PTP4A2: variants seen among roughly 807,000 people sequenced by gnomAD.
The protein encoded by PTP4A2 is protein tyrosine phosphatase 4A2, also known as protein tyrosine phosphatase type IVA 2.
Under a neutral mutation model 22.9 loss-of-function variants are expected in PTP4A2, and 2 were observed. That is an observed-to-expected ratio of 0.09 (90% CI 0.04 to 0.27). The LOEUF is 0.27. Among genes scored for constraint, PTP4A2 ranks in the 10% least tolerant of loss-of-function variants. The pLI is 1.00. For synonymous variants in PTP4A2, 68 were observed against 69.1 expected (o/e 0.98, Z 0.08); for missense variants, 103 against 205.1 (o/e 0.50, Z 3.04).
intron 1 of PTP4A2, among the ~76,000 whole-genome samples, chr1:31,930,311 A>G (rs1250033629): frequency 4.6e-5 from 7 of 152,018 alleles, no homozygotes; most frequent in Admixed American, 6.5e-5. Context: ...CTGCACTCCA[A>G]CCTGGGCGAC....
intron 1 of PTP4A2, among the ~76,000 whole-genome samples, chr1:31,924,319 T>C (rs1257184868): frequency 6.6e-6 from 1 of 152,226 alleles, no homozygotes; most frequent in Non-Finnish European, 1.5e-5. Flanking sequence ...AGAAACAGTA[T>C]GTTCTAGCAC....
chr1:31,910,065 T>G lies in PTP4A2; in HGVS notation c.368A>C (p.Tyr123Ser). The change falls in exon 5 of 6, where the codon TAC (tyrosine) becomes TCC (serine). Residue 123 changes from tyrosine to serine, a missense_variant. Tyr to Ser is a moderately radical substitution (Grantham distance 144). Coordinates refer to ENST00000647444, the MANE Select transcript of PTP4A2 (RefSeq NM_080391.4). ...TCTTATAAACTGAACTGCATCTTCG[T>G]ACTTCATTCCACATTCAATCAAAGC... The part of the protein sequence containing the change: ...ALALIECGMK[Y>S]EDAVQFIRQK... 2 of 1,613,616 alleles carry G rather than the reference T, an allele frequency of 1.2e-6. No individual in the cohort carries two copies. The highest frequency in any genetic ancestry group is 1.7e-6 in the Non-Finnish European group (2 of 1,179,854).
At chr1:31,917,352 ATTTTAATTGCTAAAGGAC>A (rs1651901485) in intron 2 of PTP4A2, among the ~76,000 whole-genome samples, 1 of 152,240 alleles carries the variant, frequency 6.6e-6, no homozygotes, top group African/African-American at 2.4e-5. Context: ...GTGTAAAATT[ATTTTAATTGCTAAAGGAC>A]TTCATTTTTC....
intron 1 of PTP4A2, chr1:31,921,212 T>G (rs559530421): frequency 6.6e-6 from 1 of 152,174 alleles, no homozygotes; most frequent in South Asian, 2.1e-4. Context: ...TTACAACATA[T>G]AAGGAATGAG....
At chr1:31,933,977 G>A (rs1652834295) in intron 1 of PTP4A2, 1 of 152,216 alleles carries the variant, frequency 6.6e-6, no homozygotes, top group Non-Finnish European at 1.5e-5. Context: ...TATGGATCCT[G>A]GGCCGCGCGG....
chr1:31,922,638 T>TTTC (rs1652237333), intron 1 of PTP4A2, among the ~76,000 whole-genome samples: 4 of 138,746 alleles, frequency 2.9e-5, no homozygotes, highest in Non-Finnish European at 6.1e-5. Context: ...TTCTTTCTTT[T>TTTC]ATTTATTTTG....
intron 1 of PTP4A2, among the ~76,000 whole-genome samples, chr1:31,924,608 A>G (rs1260541116): frequency 6.6e-6 from 1 of 152,240 alleles, no homozygotes; most frequent in Non-Finnish European, 1.5e-5. Flanking sequence ...TCTCTCTGAC[A>G]TTAATTCTGC....
At chr1:31,924,382 G>A (rs889498992) in intron 1 of PTP4A2, among the ~76,000 whole-genome samples, 2 of 152,122 alleles carry the variant, frequency 1.3e-5, no homozygotes, top group Non-Finnish European at 2.9e-5. Context: ...CCTCCATCAA[G>A]AGTTCAACTA....
At chr1:31,914,731 C>T (rs980788837) in intron 3 of PTP4A2, among the ~76,000 whole-genome samples, 1 of 152,184 alleles carries the variant, frequency 6.6e-6, no homozygotes, top group African/African-American at 2.4e-5. Flanking sequence ...ACAACTTAGA[C>T]AACTACTTAG....
chr1:31,933,993 C>T (rs1260625888), intron 1 of PTP4A2: 1 of 152,094 alleles, frequency 6.6e-6, no homozygotes, highest in African/African-American at 2.4e-5. Context: ...CGCGGTGGCT[C>T]ATGCCTGTAA....
At position 31,919,003 on chromosome 1, in the gene PTP4A2, G is replaced by A. The variant is rs749708309; in HGVS notation, c.63C>T (p.Asn21=). ...YENMRFLITH[N]PTNATLNKFT... ...ACTTGTTGAGAGTAGCATTGGTAGG[G>A]TTGTGAGTTATCAGAAAACGCATGT... The change falls in exon 2 of 6, where the codon AAC becomes AAT. Residue 21 remains asparagine (N), a synonymous_variant. Coordinates refer to ENST00000647444, the MANE Select transcript of PTP4A2 (RefSeq NM_080391.4). 1 of 1,605,596 alleles carries A rather than the reference G, an allele frequency of 6.2e-7. No homozygotes were observed. Among genetic ancestry groups the A allele is most frequent in the Non-Finnish European group, 8.5e-7 (1 of 1,172,444 alleles).
intron 1 of PTP4A2, among the ~76,000 whole-genome samples, chr1:31,920,051 G>A (rs143568550): frequency 0.051 from 7,547 of 149,012 alleles, 657 homozygotes; most frequent in African/African-American, 0.18. Context: ...GCTTGAACCC[G>A]GGAGGTAGAG....
At chr1:31,927,605 A>T (rs2124243535) in intron 1 of PTP4A2, among the ~76,000 whole-genome samples, 1 of 152,328 alleles carries the variant, frequency 6.6e-6, no homozygotes, top group African/African-American at 2.4e-5. Context: ...CAAAAATGGT[A>T]AGGGTGGAAG....
At chr1:31,925,088 A>G (rs1193662677) in intron 1 of PTP4A2, among the ~76,000 whole-genome samples, 3 of 152,204 alleles carry the variant, frequency 2.0e-5, no homozygotes, top group Admixed American at 6.5e-5. Context: ...GATTACAAAG[A>G]TAAGAGATAA....
At chr1:31,922,116 T>C (rs1569616252) in intron 1 of PTP4A2, among the ~76,000 whole-genome samples, 1 of 152,318 alleles carries the variant, frequency 6.6e-6, no homozygotes, top group East Asian at 1.9e-4. Flanking sequence ...GAGGAAAACA[T>C]TTCATAAAGT....
intron 2 of PTP4A2, among the ~76,000 whole-genome samples, chr1:31,918,265 T>G (rs994571435): frequency 4.0e-5 from 6 of 151,462 alleles, no homozygotes; most frequent in African/African-American, 1.5e-4. Context: ...AAAAAAAAAC[T>G]TATGTTCAAA....
chr1:31,914,883 ATACT>A (rs901026469), intron 3 of PTP4A2, among the ~76,000 whole-genome samples: 1 of 152,224 alleles, frequency 6.6e-6, no homozygotes, highest in Non-Finnish European at 1.5e-5. Context: ...AAATCTAATC[ATACT>A]AAAGCTCCTC....
chr1:31,926,147 A>ATATAT (rs1243088060), intron 1 of PTP4A2, among the ~76,000 whole-genome samples: 29 of 127,402 alleles, frequency 2.3e-4, no homozygotes, highest in African/African-American at 6.0e-4. Context: ...AAAAAAAAAA[A>ATATAT]AAATATATAT....
intron 1 of PTP4A2, among the ~76,000 whole-genome samples, chr1:31,935,189 A>G (rs1033521519): frequency 3.3e-5 from 5 of 152,206 alleles, no homozygotes; most frequent in Non-Finnish European, 7.3e-5. Context: ...TCCAAAAAAT[A>G]AAAAACATAA....
Sources: allele counts gnomAD v4.1 joint callset (sites outside exome capture counted in the v4.1 genomes callset), GRCh38; gene constraint gnomAD v4.1.1; transcripts MANE v1.5; gene names NCBI Gene and HGNC (gene_info 2026-07-23, HGNC 2026-07-21).